The following SVIL variants were observed in gnomAD, a reference collection of about 807,000 sequenced individuals.
SVIL encodes the protein supervillin.
SVIL carries 101 observed loss-of-function variants against 240.4 expected under a neutral mutation model. The ratio of observed to expected loss-of-function variants is 0.42; its 90% CI spans 0.36 to 0.50. The LOEUF is 0.50. Among genes scored for constraint, SVIL ranks in the 20% least tolerant of loss-of-function variants. The pLI is 0.01. For missense variants in SVIL, 2,512 were observed against 2,818.7 expected (o/e 0.89, Z 2.46); for synonymous variants, 999 against 1,100.0 (o/e 0.91, Z 1.82).
rs11819202 is a variant in SVIL, at chr10:29,531,141, G to A, written c.2044+113C>T. ...CACAGAACGAAAACCTGCAGCAAAG[G>A]GAGACACTGTTATGCTCCATCATCT... On this transcript the variant is annotated intron_variant, in intron 10 of 37. Transcript: ENST00000355867. 0.37 allele frequency: 355,717 copies of A among 973,176 alleles called. 68,560 individuals carry two copies. The highest frequency in any genetic ancestry group is 0.4 in the Non-Finnish European group (258,748 of 649,676). 60.3% of individuals were successfully genotyped at this position (973,176 alleles called of 1,614,324 possible).
chr10:29,504,741 G>A (rs551187498), intron 17 of SVIL, among the ~76,000 whole-genome samples: 5 of 152,324 alleles, frequency 3.3e-5, no homozygotes, highest in Admixed American at 2.0e-4. Flanking sequence ...CTCATTCAGT[G>A]CTGATGGAAA....
At chr10:29,645,600 C>T (rs182652259) in intron 3 of SVIL, among the ~76,000 whole-genome samples, 8 of 152,070 alleles carry the variant, frequency 5.3e-5, no homozygotes, top group African/African-American at 1.7e-4. Flanking sequence ...AGGAATAAAG[C>T]GCTCCAAGCG....
At chr10:29,509,356 A>AGAGAGAGAGAGAGAGAGAG (rs1564541260) in intron 17 of SVIL, among the ~76,000 whole-genome samples, 1 of 120,060 alleles carries the variant, frequency 8.3e-6, no homozygotes, top group African/African-American at 3.1e-5. Flanking sequence ...AGAGAGAGAG[A>AGAGAGAGAGAGAGAGAGAG]GAGAGAGAGA....
intron 1 of SVIL, among the ~76,000 whole-genome samples, chr10:29,712,286 C>T (rs909567064): frequency 2.0e-5 from 3 of 152,068 alleles, no homozygotes; most frequent in African/African-American, 4.8e-5. Flanking sequence ...AGGTCATGGG[C>T]GTGGATTCCT....
intron 1 of SVIL, among the ~76,000 whole-genome samples, chr10:29,582,946 C>T (rs1477651690): frequency 1.3e-5 from 2 of 152,126 alleles, no homozygotes; most frequent in South Asian, 4.2e-4. Context: ...GGAGAAGGCT[C>T]TGCCAAATCC....
intron 1 of SVIL, among the ~76,000 whole-genome samples, chr10:29,705,831 G>A (rs1041308840): frequency 1.1e-4 from 17 of 152,142 alleles, no homozygotes; most frequent in African/African-American, 3.6e-4. Context: ...TCCTTTTTAT[G>A]CCTGCATAGT....
At chr10:29,537,871 C>G (rs1422428968) in intron 6 of SVIL, among the ~76,000 whole-genome samples, 3 of 152,240 alleles carry the variant, frequency 2.0e-5, no homozygotes, top group Non-Finnish European at 2.9e-5. Flanking sequence ...AAACTATCAC[C>G]CCACCTCCCC....
At chr10:29,521,370 T>A (rs1950553870) in intron 16 of SVIL, among the ~76,000 whole-genome samples, 1 of 151,652 alleles carries the variant, frequency 6.6e-6, no homozygotes, top group African/African-American at 2.4e-5. Context: ...TGGTGGGAGG[T>A]GCTGAGGAAG....
intron 2 of SVIL, among the ~76,000 whole-genome samples, chr10:29,685,333 A>C (rs1960984539): frequency 6.6e-6 from 1 of 152,194 alleles, no homozygotes; most frequent in Non-Finnish European, 1.5e-5. Context: ...ATTGATGGGC[A>C]TTTAGGTTGA....
chr10:29,702,196 A>AAT (rs386371079), intron 1 of SVIL, among the ~76,000 whole-genome samples: 1 of 151,344 alleles, frequency 6.6e-6, no homozygotes, highest in Non-Finnish European at 1.5e-5. Context: ...AAAAAAAAAA[A>AAT]AGTAAAGAGC....
chr10:29,484,911 G>A lies in SVIL; in HGVS notation c.4780-80C>T. On this transcript the variant is annotated intron_variant, in intron 26 of 37. Coordinates refer to ENST00000355867, the MANE Select transcript of SVIL (RefSeq NM_021738.3). This position sits in a 1 kb window ranked among gnomAD's most constrained non-coding sequence, Gnocchi z 4.7. The stretch of plus-strand genomic sequence containing the variant: ...ATCAGGTGCAACAGGGTCTCTTGTT[G>A]ACAGTGAGTCAAACGGAGGAAGACA... 2 of 1,429,154 alleles carry A rather than the reference G, an allele frequency of 1.4e-6. No homozygotes were observed. The highest frequency in any genetic ancestry group is 2.2e-5 in the Admixed American group (1 of 46,096). The allele number at this position is 1,429,154 out of a possible 1,614,324, so 88.5% of individuals were successfully genotyped here. A position where few individuals can be genotyped will look rare whatever the true frequency, so the allele number is the denominator to read the frequency against.
intron 2 of SVIL, among the ~76,000 whole-genome samples, chr10:29,662,213 C>T (rs1007866922): frequency 5.3e-5 from 8 of 152,196 alleles, no homozygotes; most frequent in Non-Finnish European, 7.4e-5. Flanking sequence ...ACTTCCTCCC[C>T]GGTCTCATAC....
At position 29,554,812 on chromosome 10, in the gene SVIL, C is replaced by G. The variant is rs753848556; in HGVS notation, c.131G>C (p.Arg44Thr). The change falls in exon 5 of 38, where the codon AGA becomes ACA. Residue 44 changes from arginine (R) to threonine (T), a missense_variant. Arg to Thr is a moderately conservative substitution (Grantham distance 71). Coordinates refer to ENST00000355867, the MANE Select transcript of SVIL (RefSeq NM_021738.3). Reference sequence around the variant, plus strand: ...GTGGGGGCTGGCAGGGTCGCTGGCTCTCATGTATCGAGGGGTGTCTTCCTC... The same window carrying G: ...GTGGGGGCTGGCAGGGTCGCTGGCTGTCATGTATCGAGGGGTGTCTTCCTC... Reference protein sequence around the residue: ...LLEEDTPRYMRASDPASPHIG... With the variant: ...LLEEDTPRYMTASDPASPHIG... The G allele has an allele frequency of 6.2e-7, 1 of 1,611,586 alleles. No individual in the cohort carries two copies. The highest frequency in any genetic ancestry group is 1.1e-5 in the South Asian group (1 of 90,644).
At chr10:29,613,355 T>A (rs1027743896) in intron 1 of SVIL, among the ~76,000 whole-genome samples, 1 of 151,810 alleles carries the variant, frequency 6.6e-6, no homozygotes, top group Non-Finnish European at 1.5e-5. Context: ...TTATTTAGAG[T>A]GGGGTGTTGC....
chr10:29,621,312 C>T (rs1190794035), intron 1 of SVIL, among the ~76,000 whole-genome samples: 1 of 152,246 alleles, frequency 6.6e-6, no homozygotes, highest in Admixed American at 6.5e-5. Context: ...AAGGCAGGAA[C>T]GCTTAATCCC....
chr10:29,725,765 A>G (rs1318799339), intron 1 of SVIL, among the ~76,000 whole-genome samples: 1 of 152,232 alleles, frequency 6.6e-6, no homozygotes, highest in African/African-American at 2.4e-5. Context: ...AAGCCTCTTT[A>G]GAAACAGAGT....
intron 1 of SVIL, among the ~76,000 whole-genome samples, chr10:29,628,127 TAACTC>T (rs969025319): frequency 1.3e-5 from 2 of 152,348 alleles, no homozygotes; most frequent in South Asian, 2.1e-4. Context: ...ACTATCAGCT[TAACTC>T]AAACAAAAAA....
chr10:29,695,717 C>T (rs189443716), intron 1 of SVIL, among the ~76,000 whole-genome samples: 28 of 152,228 alleles, frequency 1.8e-4, no homozygotes, highest in African/African-American at 6.5e-4. Context: ...GCACTCCAGC[C>T]TGGGCGACAG....
intron 1 of SVIL, among the ~76,000 whole-genome samples, chr10:29,707,460 G>A (rs1204281034): frequency 6.6e-6 from 1 of 152,014 alleles, no homozygotes; most frequent in Admixed American, 6.6e-5. Context: ...TGGTTTATTC[G>A]AATGCTTGTG....
Sources: gnomAD v4.1 joint callset for allele counts (sites outside exome capture counted in the v4.1 genomes callset) on GRCh38, gnomAD v4.1.1 for gene constraint, Gnocchi (gnomAD v3.1) non-coding constraint, MANE v1.5 for transcripts, NCBI Gene and HGNC (gene_info 2026-07-23, HGNC 2026-07-21) for gene names.